SSUH2: variants seen among roughly 807,000 people sequenced by gnomAD.
SSUH2 encodes protein SSUH2 homolog.
SSUH2 carries 47 observed loss-of-function variants against 55.3 expected under a neutral mutation model. The observed-to-expected ratio is 0.85, with a 90% CI of 0.67 to 1.08. The LOEUF (loss-of-function observed/expected upper bound fraction) is 1.08. Ranked by LOEUF, SSUH2 falls within the 50% of genes least tolerant of loss-of-function variation. SSUH2 has a pLI of 0.00. For synonymous variants in SSUH2, 212 were observed against 191.5 expected (o/e 1.11, Z -0.89); for missense variants, 535 against 490.7 (o/e 1.09, Z -0.85).
At chr3:8,627,658 G>C in intron 8 of SSUH2, 40 bp downstream of exon 8, 1 of 1,472,116 alleles carries the variant, frequency 6.8e-7, no homozygotes, top group East Asian at 2.5e-5. Context: ...AAGCCAGAAA[G>C]CAAGAGCACT....
intron 1 of SSUH2, among the ~76,000 whole-genome samples, chr3:8,681,137 C>CG (rs1353406883): frequency 3.1e-5 from 3 of 95,516 alleles, no homozygotes; most frequent in Admixed American, 2.7e-4. Flanking sequence ...CTCTTCCCCC[C>CG]CTGCCTCTTA....
chr3:8,643,256 G>A (rs1701165474), intron 1 of SSUH2, among the ~76,000 whole-genome samples: 1 of 152,096 alleles, frequency 6.6e-6, no homozygotes, highest in East Asian at 1.9e-4. Flanking sequence ...AAAATTATGG[G>A]AAATGAAATT....
chr3:8,677,956 G>A (rs144386220), intron 2 of SSUH2, among the ~76,000 whole-genome samples: 1 of 151,016 alleles, frequency 6.6e-6, no homozygotes, highest in Non-Finnish European at 1.5e-5. Context: ...TCTGTACTGG[G>A]AGTAATATCA....
At chr3:8,627,099 A>G (rs1295973112) in intron 8 of SSUH2, 3 of 152,262 alleles carry the variant, frequency 2.0e-5, no homozygotes, top group Non-Finnish European at 4.4e-5. Flanking sequence ...TAATGAGGCA[A>G]AAGTATCATT....
rs1699373522 is a variant in SSUH2 at position 8,633,784 on chromosome 3, A to G, written c.221T>C (p.Met74Thr). Residue 74 changes from methionine (M) to threonine (T), a missense_variant, in exon 4 of 12, where the codon ATG becomes ACG. Physicochemically the swap from Met to Thr is moderately conservative, Grantham distance 81. Coordinates refer to ENST00000544814, the MANE Select transcript of SSUH2 (RefSeq NM_001256748.3). The stretch of plus-strand genomic sequence containing the variant: ...GGCTTCCCGGGCCACCTCCTCCGTC[A>G]TCGCAGGGACTCTGCAGGGGACCGA... ...PSFLEHRVPA[M>T]TEEVAREALL... is the part of the protein sequence containing the mutation. 1.2e-6 allele frequency: 2 copies of G among 1,612,524 alleles called. No individual in the cohort carries two copies. Among genetic ancestry groups the G allele is most frequent in the African/African-American group, 2.7e-5 (2 of 74,912 alleles).
Position 8,644,665 on chromosome 3 carries a change from C to A in SSUH2, c.28+66G>T, listed in dbSNP as rs1440329197. 14 of 1,390,724 alleles carry A rather than the reference C, an allele frequency of 1.0e-5. No homozygotes were observed. In the Admixed American group the frequency reaches 2.0e-4, roughly 20 times the overall value. 86.1% of individuals were successfully genotyped at this position (1,390,724 alleles called of 1,614,324 possible). On this transcript the variant is annotated intron_variant, in intron 1 of 11. Coordinates refer to ENST00000544814, the MANE Select transcript of SSUH2 (RefSeq NM_001256748.3). ...CAACATATTAGAGGTCAGATTAGGTCCTCTTCAAATGCAGGCTAAAATATC... is the reference window on the plus strand; with the variant it reads ...CAACATATTAGAGGTCAGATTAGGTACTCTTCAAATGCAGGCTAAAATATC...
At chr3:8,665,477 T>C (rs1703909804) in intron 5 of SSUH2, among the ~76,000 whole-genome samples, 2 of 152,196 alleles carry the variant, frequency 1.3e-5, no homozygotes, top group Non-Finnish European at 2.9e-5. Context: ...CAAAATTTAA[T>C]GCAACTTCCA....
At position 8,634,001 on chromosome 3, in the gene SSUH2, GA is replaced by G; in HGVS notation, c.210-207del. 2.6e-6 allele frequency: 4 copies of G among 1,563,840 alleles called. No individual in the cohort carries two copies. The South Asian group carries it at 3.5e-5, about 14-fold the overall frequency. On this transcript the variant is annotated intron_variant, in intron 3 of 11. Transcript: ENST00000544814. ...TGAGAACGGGGCAGGTTTTCCTAGA[GA>G]ACAGCCAAAAACACTTTAGTTGAAA...
intron 10 of SSUH2, among the ~76,000 whole-genome samples, chr3:8,624,762 G>T (rs983155540): frequency 6.6e-6 from 1 of 152,154 alleles, no homozygotes; most frequent in South Asian, 2.1e-4. Flanking sequence ...ATCGACAAAG[G>T]CAGGCAGTGG....
intron 3 of SSUH2, among the ~76,000 whole-genome samples, chr3:8,675,734 A>C (rs920448848): frequency 2.6e-4 from 39 of 152,134 alleles, no homozygotes; most frequent in African/African-American, 9.4e-4. Flanking sequence ...ATGAGGTCAC[A>C]AAGGGGGCTG....
At chr3:8,621,793 A>G (rs1475078643) in intron 11 of SSUH2, among the ~76,000 whole-genome samples, 1 of 152,226 alleles carries the variant, frequency 6.6e-6, no homozygotes, top group Non-Finnish European at 1.5e-5. Flanking sequence ...AGGACCCCAA[A>G]TAGGGACTAA....
intron 6 of SSUH2, among the ~76,000 whole-genome samples, chr3:8,630,338 G>C (rs750942633): frequency 9.9e-5 from 15 of 152,144 alleles, no homozygotes; most frequent in Non-Finnish European, 1.9e-4. Context: ...TAATCCACTA[G>C]GCTCCTCTCC....
chr3:8,645,368 C>A (rs1701545405), upstream of SSUH2, among the ~76,000 whole-genome samples: 1 of 152,182 alleles, frequency 6.6e-6, no homozygotes, highest in Non-Finnish European at 1.5e-5. Context: ...GCTCCCAACC[C>A]AGCCATGTGG....
intron 1 of SSUH2, 31 bp from the exon 2 acceptor site, chr3:8,635,888 G>C: frequency 6.5e-7 from 1 of 1,527,236 alleles, no homozygotes; most frequent in Non-Finnish European, 8.8e-7. Flanking sequence ...CTAAGCCTTG[G>C]GTAGGGAGGC....
intron 2 of SSUH2, among the ~76,000 whole-genome samples, chr3:8,678,879 T>A (rs1214146763): frequency 1.4e-5 from 1 of 71,718 alleles, no homozygotes; most frequent in Non-Finnish European, 2.9e-5. Context: ...GCTCTTAGGA[T>A]CCCCATTGCA....
chr3:8,629,641 C>CCAGTGGTTCACAGATGACTCAA, intron 7 of SSUH2, 23 bp downstream of exon 7: 2 of 1,613,510 alleles, frequency 1.2e-6, no homozygotes, highest in Non-Finnish European at 1.7e-6. Context: ...CACTGACTCA[C>CCAGTGGTTCACAGATGACTCAA]CAGTGGTTCA....
intron 7 of SSUH2, among the ~76,000 whole-genome samples, chr3:8,655,428 C>T (rs1158852210): frequency 6.9e-6 from 1 of 144,322 alleles, no homozygotes; most frequent in Non-Finnish European, 1.5e-5. Context: ...TGTGTGGCCT[C>T]CTCAAGATCA....
intron 7 of SSUH2, among the ~76,000 whole-genome samples, chr3:8,655,949 T>C (rs1702896789): frequency 6.6e-6 from 1 of 152,182 alleles, no homozygotes; most frequent in Non-Finnish European, 1.5e-5. Flanking sequence ...CACTGTGGAA[T>C]AAGGGAAATT....
In SSUH2 at chr3:8,661,106, G is replaced by T. The variant is rs1703441972; in HGVS notation, c.-395-2093C>A. On this transcript the variant is annotated intron_variant, in intron 6 of 18. Coordinates refer to the SSUH2 transcript ENST00000317371. ...CTTACTGTCTGACGCCGAAGTCCAT[G>T]CTGTTTCTTCTAGCCACTGCTCCTT... Among the ~76,000 whole-genome samples, 3 of 152,234 alleles carry T rather than the reference G, an allele frequency of 2.0e-5. No homozygotes were observed. In the South Asian group the frequency reaches 6.2e-4, roughly 32 times the overall value.
Sources: gnomAD v4.1 joint callset for allele counts (sites outside exome capture counted in the v4.1 genomes callset) on GRCh38, gnomAD v4.1.1 for gene constraint, MANE v1.5 for transcripts, NCBI Gene and HGNC (gene_info 2026-07-23, HGNC 2026-07-21) for gene names.